DSCAML1: variants seen among roughly 807,000 people sequenced by gnomAD.
DSCAML1 encodes the protein cell adhesion molecule DSCAML1.
DSCAML1 carries 38 observed loss-of-function variants against 200.5 expected under a neutral mutation model. That is an observed-to-expected ratio of 0.19 (90% CI 0.15 to 0.25). The LOEUF is 0.25. DSCAML1 is among the 10% of genes least tolerant of loss of function. The pLI, the probability that DSCAML1 is intolerant of heterozygous loss-of-function variation, is 1.00. For synonymous variants in DSCAML1, 1,215 were observed against 1,165.0 expected, an observed-to-expected ratio of 1.04 and a Z score of -0.87; for missense variants, 2,223 against 2,858.8, an observed-to-expected ratio of 0.78 and a Z score of 5.07.
intron 3 of DSCAML1, among the ~76,000 whole-genome samples, chr11:117,770,843 C>T (rs1461201939): frequency 2.3e-4 from 35 of 152,132 alleles, no homozygotes. Flanking sequence ...AGTATTTGAA[C>T]CAGACTTTGA....
At chr11:117,581,309 G>T (rs1009298817) in intron 3 of DSCAML1, among the ~76,000 whole-genome samples, 6 of 152,148 alleles carry the variant, frequency 3.9e-5, no homozygotes, top group Admixed American at 2.6e-4. Context: ...TTATGGAGGG[G>T]TCAGATTTAT....
intron 3 of DSCAML1, among the ~76,000 whole-genome samples, chr11:117,747,392 C>T (rs1175544107): frequency 6.6e-6 from 1 of 152,144 alleles, no homozygotes; most frequent in Non-Finnish European, 1.5e-5. Context: ...GCACAGCATC[C>T]TTGTTATTTC....
At chr11:117,709,414 A>G (rs534039365) in intron 3 of DSCAML1, among the ~76,000 whole-genome samples, 1 of 152,190 alleles carries the variant, frequency 6.6e-6, no homozygotes, top group Non-Finnish European at 1.5e-5. Flanking sequence ...TCTTCCCGTA[A>G]GAACACTAAT....
chr11:117,802,597 C>T (rs192516165), intron 1 of DSCAML1, among the ~76,000 whole-genome samples: 42 of 152,240 alleles, frequency 2.8e-4, no homozygotes, highest in Non-Finnish European at 2.2e-4. Context: ...TGAAAGTTCT[C>T]GTATTGGAGT....
intron 32 of DSCAML1, 150 bp from the exon 33 acceptor site, chr11:117,428,953 G>T: frequency 1.5e-6 from 1 of 679,672 alleles, no homozygotes; most frequent in East Asian, 2.7e-5. Context: ...TAGCGGAAAG[G>T]TCGGGTACTT....
intron 14 of DSCAML1, among the ~76,000 whole-genome samples, chr11:117,472,241 C>T (rs1483397053): frequency 6.6e-6 from 1 of 152,174 alleles, no homozygotes; most frequent in Non-Finnish European, 1.5e-5. Flanking sequence ...AGAAGCCTGA[C>T]TCTCCTCTGC....
chr11:117,435,820 G>T, intron 26 of DSCAML1, 21 bp from the exon 27 acceptor site: 2 of 1,590,738 alleles, frequency 1.3e-6, no homozygotes, highest in Non-Finnish European at 8.6e-7. Flanking sequence ...GCAAAGAATA[G>T]AATTAGATGT....
chr11:117,641,498 A>G (rs541417707), intron 3 of DSCAML1, among the ~76,000 whole-genome samples: 4 of 152,324 alleles, frequency 2.6e-5, no homozygotes, highest in African/African-American at 9.6e-5. Flanking sequence ...CAGAGCTGCC[A>G]TGTGACTGTA....
chr11:117,731,969 G>A (rs1439481347), intron 3 of DSCAML1, among the ~76,000 whole-genome samples: 2 of 152,196 alleles, frequency 1.3e-5, no homozygotes, highest in Admixed American at 1.3e-4. Flanking sequence ...ACAGAGGGCC[G>A]GGGTGATGTC....
chr11:117,485,507 T>C (rs905646042), intron 11 of DSCAML1, among the ~76,000 whole-genome samples: 1 of 152,220 alleles, frequency 6.6e-6, no homozygotes, highest in African/African-American at 2.4e-5. Context: ...GATCTGCTTC[T>C]GTGGCTGCGA....
chr11:117,703,402 T>A (rs1268218980), intron 3 of DSCAML1, among the ~76,000 whole-genome samples: 1 of 152,142 alleles, frequency 6.6e-6, no homozygotes, highest in African/African-American at 2.4e-5. Context: ...CTGGACACCA[T>A]CTCCCCTTCC....
intron 27 of DSCAML1, among the ~76,000 whole-genome samples, chr11:117,434,567 T>C (rs890193572): frequency 6.6e-6 from 1 of 151,954 alleles, no homozygotes; most frequent in African/African-American, 2.4e-5. Flanking sequence ...ACTATTCATA[T>C]AATCATTATC....
rs138779905 is a variant in DSCAML1, at chr11:117,563,624, T to C, written c.512-31102A>G. Among the ~76,000 whole-genome samples, 396 of 152,308 alleles carry C rather than the reference T, an allele frequency of 2.6e-3. 3 individuals are homozygous for C. Among genetic ancestry groups the C allele is most frequent in the Non-Finnish European group, 4.8e-3 (329 of 68,018 alleles). On this transcript the variant is annotated intron_variant, in intron 3 of 32. Coordinates refer to ENST00000651296, the MANE Select transcript of DSCAML1 (RefSeq NM_020693.4). The stretch of plus-strand genomic sequence containing the variant: ...TGAGTTTGTGCCTACTTTGTGACCA[T>C]TGCATTCACTTTCTCTTGTTTGGAA...
At position 117,613,012 on chromosome 11, in the gene DSCAML1, C is replaced by T. The variant is rs186175192; in HGVS notation, c.512-80490G>A. On this transcript the variant is annotated intron_variant, in intron 3 of 32. Coordinates refer to ENST00000651296, the MANE Select transcript of DSCAML1 (RefSeq NM_020693.4). The stretch of plus-strand genomic sequence containing the variant: ...AGCCACGGAGGTTAGACTGGATAAC[C>T]TAGGGTCCATGGATGGGCTTATGAG... 9.2e-5 allele frequency among the ~76,000 whole-genome samples: 14 copies of T among 152,262 alleles called. No homozygotes were observed. The East Asian group carries it at 2.7e-3, about 29-fold the overall frequency.
At chr11:117,436,671 G>C (rs1565675861) in intron 26 of DSCAML1, among the ~76,000 whole-genome samples, 1 of 152,134 alleles carries the variant, frequency 6.6e-6, no homozygotes, top group Non-Finnish European at 1.5e-5. Flanking sequence ...GACTCCAAGA[G>C]AGCAAGAAAC....
chr11:117,707,105 A>C (rs535272880), intron 3 of DSCAML1, among the ~76,000 whole-genome samples: 68 of 152,288 alleles, frequency 4.5e-4, no homozygotes, highest in African/African-American at 1.6e-3. Context: ...TTAAGTACCT[A>C]CAAAGCCTGT....
chr11:117,813,037 A>C lies in DSCAML1; in HGVS notation c.-250+4353T>G, dbSNP rs372253347. Reference sequence around the variant, plus strand: ...CAGTTTAGCCTTCCCACCTCTATACAGTCTGATAACAGACCAGCCTTTATT... The same window carrying C: ...CAGTTTAGCCTTCCCACCTCTATACCGTCTGATAACAGACCAGCCTTTATT... On this transcript the variant is annotated intron_variant, in intron 1 of 2. Coordinates refer to the DSCAML1 transcript ENST00000525836. Among the ~76,000 whole-genome samples the C allele has an allele frequency of 6.0e-3, 917 of 152,246 alleles. 4 individuals carry two copies. Among genetic ancestry groups the C allele is most frequent in the South Asian group, 0.017 (84 of 4,824 alleles).
intron 3 of DSCAML1, among the ~76,000 whole-genome samples, chr11:117,717,844 C>T (rs896804232): frequency 1.3e-5 from 2 of 152,184 alleles, no homozygotes; most frequent in Non-Finnish European, 2.9e-5. Context: ...CACTAAAACA[C>T]ACCCCTTTGG....
rs572254164 is a variant in DSCAML1 at position 117,563,335 on chromosome 11, G to C, written c.512-30813C>G. On this transcript the variant is annotated intron_variant, in intron 3 of 32. Transcript: ENST00000651296. ...TGGATGACACGGCAGCACGCATGGT[G>C]CTGGGTCAGCTCAGCTTGGCCCTCC... Among the ~76,000 whole-genome samples the C allele has an allele frequency of 5.9e-5, 9 of 152,312 alleles. No individual in the cohort carries two copies. The South Asian group carries it at 1.9e-3, about 32-fold the overall frequency.
Sources: allele counts gnomAD v4.1 joint callset (sites outside exome capture counted in the v4.1 genomes callset), GRCh38; gene constraint gnomAD v4.1.1; transcripts MANE v1.5; gene names NCBI Gene and HGNC (gene_info 2026-07-23, HGNC 2026-07-21).